Variants in GPC5 observed in about 807,000 individuals in gnomAD.
GPC5 encodes the protein glypican-5.
Under a neutral mutation model 53.9 loss-of-function variants are expected in GPC5, and 47 were observed. The observed-to-expected ratio is 0.87, with a 90% confidence interval of 0.69 to 1.11. The LOEUF (loss-of-function observed/expected upper bound fraction) is 1.11. Among genes scored for constraint, GPC5 ranks in the 50% most tolerant of loss-of-function variants. GPC5 has a pLI of 0.00. For missense variants in GPC5, 748 were observed against 713.1 expected, an observed-to-expected ratio of 1.05 and a Z score of -0.56; for synonymous variants, 286 against 263.3, an observed-to-expected ratio of 1.09 and a Z score of -0.84.
At chr13:91,690,612 T>TA (rs750558021) in intron 2 of GPC5, among the ~76,000 whole-genome samples, 52 of 152,324 alleles carry the variant, frequency 3.4e-4, no homozygotes, top group South Asian at 6.2e-4. Flanking sequence ...TAGGGCTACT[T>TA]AAAGATAAAC....
At chr13:92,471,343 A>C (rs1355416552) in intron 7 of GPC5, among the ~76,000 whole-genome samples, 2 of 152,100 alleles carry the variant, frequency 1.3e-5, no homozygotes, top group Non-Finnish European at 2.9e-5. Context: ...TGGAGATGAA[A>C]TTTAGGTGGA....
intron 7 of GPC5, among the ~76,000 whole-genome samples, chr13:92,313,613 G>A (rs900240333): frequency 6.6e-6 from 1 of 152,250 alleles, no homozygotes; most frequent in South Asian, 2.1e-4. Context: ...GCCAGTTTCT[G>A]TTTTGCCTGA....
At chr13:91,561,608 A>G (rs547649122) in intron 2 of GPC5, among the ~76,000 whole-genome samples, 6 of 151,692 alleles carry the variant, frequency 4.0e-5, no homozygotes, top group African/African-American at 1.5e-4. Context: ...AGTAATTTCT[A>G]TATAGCTATG....
intron 2 of GPC5, among the ~76,000 whole-genome samples, chr13:91,607,735 G>A (rs777591095): frequency 3.0e-4 from 45 of 152,218 alleles, no homozygotes; most frequent in African/African-American, 2.6e-4. Context: ...TAGACAGTGG[G>A]AAGTTTTCCC....
intron 6 of GPC5, among the ~76,000 whole-genome samples, chr13:92,055,151 T>A (rs2041064342): frequency 1.3e-5 from 2 of 152,144 alleles, no homozygotes; most frequent in African/African-American, 4.8e-5. Context: ...GCAGTGTGAG[T>A]CCCTATATGT....
At chr13:92,805,610 AT>A (rs1348209334) in intron 7 of GPC5, among the ~76,000 whole-genome samples, 2 of 151,268 alleles carry the variant, frequency 1.3e-5, no homozygotes, top group African/African-American at 2.4e-5. Flanking sequence ...CTAAATTATT[AT>A]TTTTTTTGTA....
intron 7 of GPC5, among the ~76,000 whole-genome samples, chr13:92,572,884 T>C (rs571127724): frequency 2.7e-4 from 41 of 152,296 alleles, no homozygotes; most frequent in African/African-American, 9.9e-4. Context: ...AAAAACAAAA[T>C]GGTAATTGCC....
At chr13:91,808,062 A>G (rs1014562483) in intron 5 of GPC5, among the ~76,000 whole-genome samples, 3 of 152,152 alleles carry the variant, frequency 2.0e-5, no homozygotes, top group Non-Finnish European at 2.9e-5. Context: ...GATGAACCAC[A>G]TTATCTATTA....
chr13:91,616,021 G>T (rs986956526), intron 2 of GPC5, among the ~76,000 whole-genome samples: 1 of 152,020 alleles, frequency 6.6e-6, no homozygotes, highest in Non-Finnish European at 1.5e-5. Context: ...TTATTTAAAA[G>T]AATCCAGTGA....
chr13:92,866,754 A>T lies in GPC5; in HGVS notation c.*315A>T. ...AATTTAGTGTATCTGTAATTTTATT[A>T]TCAATTCCAAGCCCCTTCCTTTCTA... On this transcript the variant is annotated 3_prime_UTR_variant, in exon 8 of 8. Transcript: ENST00000377067. The T allele has an allele frequency of 5.4e-6, 1 of 184,788 alleles. No homozygotes were observed. The highest frequency in any genetic ancestry group is 6.2e-5 in the Admixed American group (1 of 16,254). The allele number at this position is 184,788 out of a possible 1,614,324, so 11.4% of individuals were successfully genotyped here.
chr13:92,852,246 C>T (rs748288825), intron 7 of GPC5, among the ~76,000 whole-genome samples: 51 of 152,104 alleles, frequency 3.4e-4, no homozygotes, highest in Non-Finnish European at 5.7e-4. Flanking sequence ...CGTATTTACA[C>T]GACTCTGGTT....
chr13:92,462,398 G>A (rs1180982285), intron 7 of GPC5, among the ~76,000 whole-genome samples: 1 of 152,180 alleles, frequency 6.6e-6, no homozygotes, highest in Non-Finnish European at 1.5e-5. Context: ...GATGAAGTGT[G>A]AGATATGAAA....
chr13:92,527,249 GAGA>G (rs1881387042), intron 7 of GPC5, among the ~76,000 whole-genome samples: 1 of 32,704 alleles, frequency 3.1e-5, no homozygotes, highest in Admixed American at 3.9e-4. Flanking sequence ...AAGAAAGAAA[GAGA>G]AAGAAAGAAA....
chr13:92,054,755 T>A (rs942644468), intron 6 of GPC5, among the ~76,000 whole-genome samples: 1 of 152,254 alleles, frequency 6.6e-6, no homozygotes, highest in Non-Finnish European at 1.5e-5. Flanking sequence ...ATTGCAAAGA[T>A]CATGCTGCAG....
intron 7 of GPC5, among the ~76,000 whole-genome samples, chr13:92,529,757 A>G (rs1487120079): frequency 6.6e-6 from 1 of 152,182 alleles, no homozygotes; most frequent in Non-Finnish European, 1.5e-5. Context: ...ACACCATAGA[A>G]CTAGTCATAT....
chr13:92,486,944 C>T (rs1055911411), intron 7 of GPC5, among the ~76,000 whole-genome samples: 36 of 152,128 alleles, frequency 2.4e-4, no homozygotes, highest in African/African-American at 8.4e-4. Flanking sequence ...TAAATTCTGC[C>T]TTCTGGATTC....
At chr13:91,783,969 T>C (rs574826320) in intron 5 of GPC5, among the ~76,000 whole-genome samples, 1 of 152,340 alleles carries the variant, frequency 6.6e-6, no homozygotes, top group East Asian at 1.9e-4. Context: ...TCATAAAATG[T>C]ATTTAGATAA....
chr13:91,472,511 CAT>C (rs1879958925), intron 2 of GPC5, among the ~76,000 whole-genome samples: 1 of 152,200 alleles, frequency 6.6e-6, no homozygotes, highest in African/African-American at 2.4e-5. Context: ...GTGTATGTAA[CAT>C]ATATTTCTAG....
intron 6 of GPC5, among the ~76,000 whole-genome samples, chr13:91,915,984 A>T (rs1159612940): frequency 6.6e-6 from 1 of 152,220 alleles, no homozygotes; most frequent in East Asian, 1.9e-4. Flanking sequence ...TCAATAAAAC[A>T]TGCTTGCTAC....
Sources: allele counts gnomAD v4.1 joint callset (sites outside exome capture counted in the v4.1 genomes callset), GRCh38; gene constraint gnomAD v4.1.1; transcripts MANE v1.5; gene names NCBI Gene and HGNC (gene_info 2026-07-23, HGNC 2026-07-21).